The following ABL2 variants were observed in gnomAD, a reference collection of about 807,000 sequenced individuals.
ABL2 encodes ABL proto-oncogene 2, non-receptor tyrosine kinase.
Under a neutral mutation model 107.7 loss-of-function variants are expected in ABL2, and 49 were observed. The observed-to-expected ratio is 0.45, with a 90% confidence interval of 0.36 to 0.58. ABL2 has a LOEUF of 0.58. Among genes scored for constraint, ABL2 ranks in the 20% least tolerant of loss-of-function variants. ABL2 has a pLI of 0.00. For synonymous variants in ABL2, 549 were observed against 548.6 expected (o/e 1.00, Z -0.01); for missense variants, 1,245 against 1,457.0 (o/e 0.85, Z 2.37).
intron 1 of ABL2, among the ~76,000 whole-genome samples, chr1:179,224,230 A>G (rs1236551997): frequency 1.3e-5 from 2 of 151,728 alleles, no homozygotes; most frequent in African/African-American, 4.8e-5. Context: ...TTAAGGAAAA[A>G]TTTTTGTTAT....
At chr1:179,184,396 A>C in intron 1 of ABL2, 1 of 933,994 alleles carries the variant, frequency 1.1e-6, no homozygotes, top group South Asian at 1.6e-5. Context: ...CAAACACAGA[A>C]TAAAGCCAGC....
intron 1 of ABL2, among the ~76,000 whole-genome samples, chr1:179,193,167 T>C (rs1021657726): frequency 1.3e-5 from 2 of 152,102 alleles, no homozygotes; most frequent in African/African-American, 4.8e-5. Context: ...AGAACCATAA[T>C]TTTCATGTAT....
chr1:179,214,987 C>T (rs1282777261), intron 1 of ABL2, among the ~76,000 whole-genome samples: 2 of 151,978 alleles, frequency 1.3e-5, no homozygotes, highest in African/African-American at 4.8e-5. Context: ...TGGTGAAACT[C>T]CTTCTCTACT....
chr1:179,207,473 T>TTTC (rs1662041393), intron 1 of ABL2, among the ~76,000 whole-genome samples: 1 of 152,206 alleles, frequency 6.6e-6, no homozygotes, highest in African/African-American at 2.4e-5. Context: ...TTTTTTAAAA[T>TTTC]TTATTTACAA....
chr1:179,184,463 T>C, intron 1 of ABL2: 1 of 923,500 alleles, frequency 1.1e-6, no homozygotes, highest in Non-Finnish European at 1.7e-6. Flanking sequence ...CTGACCATTC[T>C]GATGCAGGTG....
intron 5 of ABL2, 39 bp from the exon 6 acceptor site, chr1:179,120,313 G>T: frequency 7.7e-7 from 1 of 1,305,356 alleles, no homozygotes; most frequent in Non-Finnish European, 1.1e-6. Context: ...AAAACGAGAG[G>T]GACAAACCCT....
chr1:179,110,489 C>A (rs748965196), intron 10 of ABL2, 34 bp from the exon 11 acceptor site: 18 of 1,574,540 alleles, frequency 1.1e-5, no homozygotes, highest in Non-Finnish European at 1.2e-5. Flanking sequence ...ATAAAAAGAA[C>A]AATTTCATAG....
chr1:179,135,119 G>A, intron 1 of ABL2, among the ~76,000 whole-genome samples: 1 of 152,216 alleles, frequency 6.6e-6, no homozygotes. Context: ...GCCTCCCAAA[G>A]TGCCGAGATT....
chr1:179,189,881 C>T (rs1000961625), intron 1 of ABL2, among the ~76,000 whole-genome samples: 7 of 151,684 alleles, frequency 4.6e-5, no homozygotes, highest in African/African-American at 1.7e-4. Context: ...AGTGCAACGG[C>T]GTGATCTCGG....
At chr1:179,133,475 T>C (rs1165889581) in intron 1 of ABL2, 101 bp from the exon 2 acceptor site, 4 of 1,591,024 alleles carry the variant, frequency 2.5e-6, no homozygotes, top group Non-Finnish European at 3.4e-6. Flanking sequence ...AGGCCTTTCA[T>C]GATCAGGTCT....
chr1:179,146,252 GAA>G (rs910385224), intron 1 of ABL2, among the ~76,000 whole-genome samples: 1 of 152,168 alleles, frequency 6.6e-6, no homozygotes, highest in Non-Finnish European at 1.5e-5. Flanking sequence ...TGGAGACAAA[GAA>G]AAGTGGAAGA....
chr1:179,114,902 T>C lies in ABL2; in HGVS notation c.1537A>G (p.Lys513Glu). 2 of 1,609,934 alleles carry C rather than the reference T, an allele frequency of 1.2e-6. No homozygotes were observed. Among genetic ancestry groups the C allele is most frequent in the Non-Finnish European group, 1.7e-6 (2 of 1,178,550 alleles). Residue 513 changes from lysine to glutamate, a missense_variant, in exon 9 of 12, where the codon AAG (lysine) becomes GAG (glutamate). By Grantham distance (56) the Lys-to-Glu change is moderately conservative. Transcript: ENST00000502732. ...RMEQPEGCPP[K>E]VYELMRACWK... is the part of the protein sequence containing the mutation. Reference sequence around the variant, plus strand: ...CATGCTCTCATAAGTTCATAAACCTTAGGGGGGCATCCCTCAGGCTGTTCC... The same window carrying C: ...CATGCTCTCATAAGTTCATAAACCTCAGGGGGGCATCCCTCAGGCTGTTCC...
At chr1:179,217,533 G>A (rs1662633705) in intron 1 of ABL2, among the ~76,000 whole-genome samples, 1 of 151,188 alleles carries the variant, frequency 6.6e-6, no homozygotes, top group African/African-American at 2.4e-5. Flanking sequence ...GGCTGAGGCA[G>A]GAGAACCGTT....
At chr1:179,112,723 GGGACTAT>G (rs1227567124) in intron 9 of ABL2, among the ~76,000 whole-genome samples, 1 of 151,752 alleles carries the variant, frequency 6.6e-6, no homozygotes, top group African/African-American at 2.4e-5. Context: ...CCAAGTAGCT[GGGACTAT>G]GGGTGTGCAA....
intron 1 of ABL2, among the ~76,000 whole-genome samples, chr1:179,220,352 A>G (rs1163074919): frequency 6.6e-6 from 1 of 152,230 alleles, no homozygotes; most frequent in Non-Finnish European, 1.5e-5. Flanking sequence ...ACTGAAGTAA[A>G]GAGGAATAAA....
At chr1:179,222,968 G>A (rs1662958061) in intron 1 of ABL2, among the ~76,000 whole-genome samples, 1 of 151,860 alleles carries the variant, frequency 6.6e-6, no homozygotes, top group Non-Finnish European at 1.5e-5. Context: ...AAATTAGCCA[G>A]GTGTGGTGGC....
chr1:179,115,962 T>A (rs895902855), intron 8 of ABL2, among the ~76,000 whole-genome samples: 2 of 152,056 alleles, frequency 1.3e-5, no homozygotes, highest in Admixed American at 1.3e-4. Flanking sequence ...CAAATCATAT[T>A]ACCTCTCAGA....
At chr1:179,211,834 C>T (rs1662293842) in intron 1 of ABL2, among the ~76,000 whole-genome samples, 1 of 151,150 alleles carries the variant, frequency 6.6e-6, no homozygotes, top group South Asian at 2.1e-4. Flanking sequence ...CAATCAATAA[C>T]TGCAAAGAAA....
Position 179,223,067 on chromosome 1 carries a change from G to A in ABL2, c.157+6174C>T, listed in dbSNP as rs534148361. ...GGAGGTTGCAGTGAGCCAAGATCGC[G>A]CCACTGCACTCCAGGCTGGGAGACA... On this transcript the variant is annotated intron_variant, in intron 1 of 11. Coordinates refer to ENST00000502732, the MANE Select transcript of ABL2 (RefSeq NM_007314.4). Among the ~76,000 whole-genome samples the A allele has an allele frequency of 1.2e-4, 17 of 138,104 alleles. 1 individual carries two copies. The South Asian group carries it at 2.6e-3, about 21-fold the overall frequency. The allele number at this position is 138,104 out of a possible 152,430, so 90.6% of individuals were successfully genotyped here.
Sources: allele counts gnomAD v4.1 joint callset (sites outside exome capture counted in the v4.1 genomes callset), GRCh38; gene constraint gnomAD v4.1.1; transcripts MANE v1.5; gene names NCBI Gene and HGNC (gene_info 2026-07-23, HGNC 2026-07-21).